Variants in IL1RAPL2 observed in about 807,000 individuals in gnomAD.
IL1RAPL2 encodes X-linked interleukin-1 receptor accessory protein-like 2.
IL1RAPL2 carries 3 observed loss-of-function variants against 44.1 expected under a neutral mutation model. The observed-to-expected ratio is 0.07, with a 90% CI of 0.03 to 0.18. The LOEUF (loss-of-function observed/expected upper bound fraction) is 0.18, where lower values mean the gene tolerates loss of function less well. Among genes scored for constraint, IL1RAPL2 ranks in the 10% least tolerant of loss-of-function variants. IL1RAPL2 has a pLI of 1.00. For synonymous variants in IL1RAPL2, 181 were observed against 178.8 expected (o/e 1.01, Z -0.10); for missense variants, 391 against 496.4 (o/e 0.79, Z 2.02).
intron 2 of IL1RAPL2, among the ~76,000 whole-genome samples, chrX:104,768,969 A>T (rs778680656): frequency 9.0e-6 from 1 of 111,209 alleles, no homozygotes; most frequent in Non-Finnish European, 1.9e-5. Context: ...AAGTAGTAAC[A>T]TGAGAATCAA....
chrX:105,052,426 T>C (rs772971932), intron 2 of IL1RAPL2, among the ~76,000 whole-genome samples: 3 of 111,732 alleles, frequency 2.7e-5, no homozygotes, highest in Non-Finnish European at 3.8e-5. Flanking sequence ...TAGAATTCTG[T>C]TATAATGGAA....
At chrX:104,942,907 G>GCAT (rs1569347410) in intron 2 of IL1RAPL2, among the ~76,000 whole-genome samples, 2 of 111,516 alleles carry the variant, frequency 1.8e-5, no homozygotes, top group African/African-American at 6.5e-5. Context: ...AGCATGAAGG[G>GCAT]TGTTGAATTT....
chrX:105,524,418 T>A (rs2036581487), intron 6 of IL1RAPL2, among the ~76,000 whole-genome samples: 1 of 110,837 alleles, frequency 9.0e-6, no homozygotes, highest in African/African-American at 3.3e-5. Context: ...CGACTCATAT[T>A]ACTCTGAAAA....
intron 2 of IL1RAPL2, among the ~76,000 whole-genome samples, chrX:104,809,539 C>T (rs1932955479): frequency 9.1e-6 from 1 of 110,289 alleles, no homozygotes; most frequent in Admixed American, 9.7e-5. Context: ...TGAGAAGTGT[C>T]TGTTCATGTC....
At chrX:105,040,787 T>C (rs1460059514) in intron 2 of IL1RAPL2, among the ~76,000 whole-genome samples, 1 of 108,583 alleles carries the variant, frequency 9.2e-6, no homozygotes, top group East Asian at 2.9e-4. Flanking sequence ...TTATTAGTCT[T>C]GCTAGCGGTC....
intron 6 of IL1RAPL2, among the ~76,000 whole-genome samples, chrX:105,685,240 G>A (rs762839238): frequency 1.3e-3 from 143 of 111,363 alleles, no homozygotes; most frequent in African/African-American, 4.4e-3. Flanking sequence ...TCAGAAGGTC[G>A]GTAATAACAA....
intron 2 of IL1RAPL2, among the ~76,000 whole-genome samples, chrX:104,665,357 A>G (rs1210158562): frequency 9.0e-6 from 1 of 111,009 alleles, no homozygotes; most frequent in Non-Finnish European, 1.9e-5. Flanking sequence ...CATAGTAGCA[A>G]AAAATAATTA....
rs778912325 is a variant in IL1RAPL2, at chrX:105,546,606, T to C, written c.772+62219T>C. Reference sequence around the variant, plus strand: ...GCATAATGGGAGGGAGGAATCTGGATGAATTGTAGTATATCTAGGAGGATC... The same window carrying C: ...GCATAATGGGAGGGAGGAATCTGGACGAATTGTAGTATATCTAGGAGGATC... On this transcript the variant is annotated intron_variant, in intron 6 of 10. Transcript: ENST00000372582. 2.7e-5 allele frequency among the ~76,000 whole-genome samples: 3 copies of C among 111,284 alleles called. No homozygotes were observed. In the South Asian group the frequency reaches 1.2e-3, roughly 43 times the overall value.
At chrX:105,141,782 C>T (rs1277947927) in intron 2 of IL1RAPL2, among the ~76,000 whole-genome samples, 1 of 112,090 alleles carries the variant, frequency 8.9e-6, no homozygotes, top group East Asian at 2.8e-4. Context: ...TGGAGGATTT[C>T]TGCAATTGAC....
At chrX:105,368,596 T>G (rs774162457) in intron 5 of IL1RAPL2, among the ~76,000 whole-genome samples, 2 of 111,915 alleles carry the variant, frequency 1.8e-5, no homozygotes, top group South Asian at 7.4e-4. Context: ...ACTTTTTCTT[T>G]GCAGCTTTCA....
At chrX:105,027,055 C>CA (rs1164814855) in intron 2 of IL1RAPL2, among the ~76,000 whole-genome samples, 35 of 110,902 alleles carry the variant, frequency 3.2e-4, no homozygotes, top group African/African-American at 1.0e-3. Context: ...ACAAAGATGC[C>CA]AAAAGCATAC....
At chrX:105,212,526 G>T (rs1033287631) in intron 3 of IL1RAPL2, among the ~76,000 whole-genome samples, 9 of 112,082 alleles carry the variant, frequency 8.0e-5, no homozygotes, top group African/African-American at 2.6e-4. Flanking sequence ...GGGCGGCTGT[G>T]AGTGCAGCTT....
chrX:104,764,987 G>C (rs972583242), intron 2 of IL1RAPL2, among the ~76,000 whole-genome samples: 2 of 111,927 alleles, frequency 1.8e-5, no homozygotes, highest in African/African-American at 6.5e-5. Flanking sequence ...TTGCATAAAT[G>C]TTCATCAGAG....
At chrX:105,016,652 C>T (rs987069768) in intron 2 of IL1RAPL2, among the ~76,000 whole-genome samples, 29 of 111,691 alleles carry the variant, frequency 2.6e-4, no homozygotes, top group African/African-American at 8.8e-4. Flanking sequence ...CCTTACATCC[C>T]AGGGATGAAG....
intron 2 of IL1RAPL2, among the ~76,000 whole-genome samples, chrX:104,991,418 A>G (rs373002639): frequency 3.6e-5 from 4 of 111,171 alleles, no homozygotes; most frequent in African/African-American, 1.3e-4. Context: ...GAAAATTGAG[A>G]TAATAAGCAG....
At chrX:105,008,889 TCAAA>T (rs2030993332) in intron 2 of IL1RAPL2, among the ~76,000 whole-genome samples, 1 of 110,968 alleles carries the variant, frequency 9.0e-6, no homozygotes, top group African/African-American at 3.3e-5. Flanking sequence ...TACAAAGAAC[TCAAA>T]CAAATTTACA....
intron 2 of IL1RAPL2, among the ~76,000 whole-genome samples, chrX:104,786,204 T>C (rs1415247107): frequency 1.8e-5 from 2 of 111,755 alleles, no homozygotes; most frequent in Non-Finnish European, 1.9e-5. Context: ...GCTCAGGCAC[T>C]GGTAAGTGTG....
chrX:105,666,825 C>G (rs1349803745), intron 6 of IL1RAPL2, among the ~76,000 whole-genome samples: 1 of 111,478 alleles, frequency 9.0e-6, no homozygotes, highest in Non-Finnish European at 1.9e-5. Context: ...CATTCCATTC[C>G]CAGAGCTATG....
intron 7 of IL1RAPL2, among the ~76,000 whole-genome samples, chrX:105,734,731 C>T (rs1303360752): frequency 2.7e-5 from 3 of 111,407 alleles, no homozygotes; most frequent in South Asian, 3.8e-4. Flanking sequence ...GTGCTCTGGG[C>T]TCATTTTAAA....
Sources: gnomAD v4.1 joint callset for allele counts (sites outside exome capture counted in the v4.1 genomes callset) on GRCh38, gnomAD v4.1.1 for gene constraint, MANE v1.5 for transcripts, NCBI Gene and HGNC (gene_info 2026-07-23, HGNC 2026-07-21) for gene names.